The following COL5A2 variants were observed in gnomAD, a reference collection of about 807,000 sequenced individuals.
COL5A2 encodes the protein collagen alpha-2(V) chain.
In COL5A2, 23 loss-of-function variants were observed where a neutral mutation model predicts 208.2. The observed-to-expected ratio is 0.11, with a 90% confidence interval of 0.08 to 0.16. COL5A2 has a LOEUF of 0.16. Ranked by LOEUF, COL5A2 falls within the 10% of genes least tolerant of loss-of-function variation. The pLI, the probability that COL5A2 is intolerant of heterozygous loss-of-function variation, is 1.00. For missense variants in COL5A2, 1,590 were observed against 1,956.4 expected, an observed-to-expected ratio of 0.81 and a Z score of 3.53; for synonymous variants, 625 against 628.5, an observed-to-expected ratio of 0.99 and a Z score of 0.08.
chr2:189,249,733 G>A, the COL5A2 span, among the ~76,000 whole-genome samples: 1 of 152,186 alleles, frequency 6.6e-6, no homozygotes, highest in Non-Finnish European at 1.5e-5. Context: ...TTTCACTCTT[G>A]TCACTCAGGC....
the COL5A2 span, among the ~76,000 whole-genome samples, chr2:189,329,581 C>T: frequency 6.6e-6 from 1 of 151,846 alleles, no homozygotes; most frequent in Non-Finnish European, 1.5e-5. Flanking sequence ...TGTTGTATAG[C>T]ATAAACATAT....
chr2:189,073,995 A>G (rs1279439312), intron 17 of COL5A2, among the ~76,000 whole-genome samples: 3 of 152,148 alleles, frequency 2.0e-5, no homozygotes, highest in South Asian at 4.1e-4. Context: ...ATGGGCAGCA[A>G]TTGAGGCTAT....
chr2:189,311,185 C>T, the COL5A2 span: 1 of 872,016 alleles, frequency 1.1e-6, no homozygotes, highest in Non-Finnish European at 1.8e-6. Context: ...AAAAATGTGG[C>T]CAGACTATTT....
chr2:189,243,859 G>T, the COL5A2 span, among the ~76,000 whole-genome samples: 1 of 152,198 alleles, frequency 6.6e-6, no homozygotes, highest in Non-Finnish European at 1.5e-5. Flanking sequence ...GATAAATACG[G>T]CCATTCAAAA....
At chr2:189,373,062 T>C in the COL5A2 span, among the ~76,000 whole-genome samples, 7 of 152,206 alleles carry the variant, frequency 4.6e-5, no homozygotes, top group African/African-American at 1.7e-4. Context: ...TTTTTCCATA[T>C]GCTACACTTG....
chr2:189,337,704 T>C, the COL5A2 span, among the ~76,000 whole-genome samples: 1 of 151,848 alleles, frequency 6.6e-6, no homozygotes, highest in African/African-American at 2.4e-5. Flanking sequence ...TGCTCTAATA[T>C]ATCAAAAACT....
At chr2:189,080,938 G>A (rs1176098307) in intron 13 of COL5A2, 52 bp downstream of exon 13, 17 of 1,415,892 alleles carry the variant, frequency 1.2e-5, no homozygotes, top group Non-Finnish European at 1.6e-5. Flanking sequence ...TCTCCCCAGA[G>A]CCTGTTCACT....
At chr2:189,235,099 G>C in the COL5A2 span, among the ~76,000 whole-genome samples, 1 of 151,374 alleles carries the variant, frequency 6.6e-6, no homozygotes, top group Admixed American at 6.6e-5. Flanking sequence ...TATAGCATTT[G>C]CATGTCACAT....
Position 189,041,653 on chromosome 2 carries a change from T to G in COL5A2, c.3566A>C (p.Asn1189Thr), listed in dbSNP as rs771990804. 2 of 1,614,096 alleles carry G rather than the reference T, an allele frequency of 1.2e-6. No individual in the cohort carries two copies. The highest frequency in any genetic ancestry group is 1.7e-6 in the Non-Finnish European group (2 of 1,179,970). The change falls in exon 50 of 54, where the codon AAC (asparagine) becomes ACC (threonine). Residue 1189 changes from asparagine to threonine, a missense_variant. Transcript: ENST00000374866. ...GPVGPSGKEG[N>T]PGPLGPIGPP... ...TCCAATTGGCCCAAGTGGCCCAGGGTTTCCTTCTTTACCTGAAGGACCAAC... is the reference window on the plus strand; with the variant it reads ...TCCAATTGGCCCAAGTGGCCCAGGGGTTCCTTCTTTACCTGAAGGACCAAC...
chr2:189,344,587 C>T, the COL5A2 span, among the ~76,000 whole-genome samples: 1 of 152,174 alleles, frequency 6.6e-6, no homozygotes, highest in Non-Finnish European at 1.5e-5. Context: ...AATATCTAAA[C>T]TGAAACAGTC....
intron 1 of COL5A2, among the ~76,000 whole-genome samples, chr2:189,191,163 C>CA (rs1553526772): frequency 1.4e-5 from 1 of 72,268 alleles, no homozygotes; most frequent in Non-Finnish European, 3.1e-5. Context: ...AAAAAACAAA[C>CA]AAACAACAAA....
At chr2:189,335,813 A>G in the COL5A2 span, among the ~76,000 whole-genome samples, 1 of 152,076 alleles carries the variant, frequency 6.6e-6, no homozygotes, top group Non-Finnish European at 1.5e-5. Flanking sequence ...AGATGTGATG[A>G]AAATGTTTAG....
intron 24 of COL5A2, 35 bp from the exon 25 acceptor site, chr2:189,064,690 G>A (rs199650320): frequency 7.9e-5 from 112 of 1,423,604 alleles, no homozygotes; most frequent in Non-Finnish European, 7.0e-6. Context: ...TGAAGAAAAA[G>A]AGTATAGAAA....
At chr2:189,129,128 T>C (rs961313978) in intron 1 of COL5A2, among the ~76,000 whole-genome samples, 3 of 151,516 alleles carry the variant, frequency 2.0e-5, no homozygotes, top group African/African-American at 7.3e-5. Context: ...TATCACTGGG[T>C]AGAATTCACA....
chr2:189,087,336 C>T (rs953282509), intron 8 of COL5A2, among the ~76,000 whole-genome samples: 2 of 151,984 alleles, frequency 1.3e-5, no homozygotes, highest in South Asian at 2.1e-4. Context: ...AACATGAAAT[C>T]GTTCCACTGA....
chr2:189,301,754 AT>A, the COL5A2 span, among the ~76,000 whole-genome samples: 1 of 152,146 alleles, frequency 6.6e-6, no homozygotes, highest in Admixed American at 6.5e-5. Flanking sequence ...TATTCTCCAC[AT>A]TTATTTGACA....
intron 5 of COL5A2, among the ~76,000 whole-genome samples, chr2:189,098,035 T>TCCCCCCCCC (rs770630921): frequency 1.3e-5 from 2 of 150,956 alleles, no homozygotes; most frequent in African/African-American, 2.4e-5. Flanking sequence ...AAAATGTTTT[T>TCCCCCCCCC]CCCCCCCTGG....
At chr2:189,291,754 T>C in the COL5A2 span, among the ~76,000 whole-genome samples, 1 of 152,028 alleles carries the variant, frequency 6.6e-6, no homozygotes, top group Admixed American at 6.6e-5. Flanking sequence ...TTTATACTAC[T>C]GAAAATTTTT....
chr2:189,122,459 A>G (rs1428091504), intron 1 of COL5A2, among the ~76,000 whole-genome samples: 5 of 152,158 alleles, frequency 3.3e-5, no homozygotes, highest in Non-Finnish European at 7.4e-5. Flanking sequence ...GGTTTAATTT[A>G]TCAAAAAAAG....
Sources: allele counts gnomAD v4.1 joint callset (sites outside exome capture counted in the v4.1 genomes callset), GRCh38; gene constraint gnomAD v4.1.1; transcripts MANE v1.5; gene names NCBI Gene and HGNC (gene_info 2026-07-23, HGNC 2026-07-21).